TNN: variants seen among roughly 807,000 people sequenced by gnomAD.
TNN encodes tenascin N.
In TNN, 122 loss-of-function variants were observed where a neutral mutation model predicts 134.4. That is an observed-to-expected ratio of 0.91 (90% CI 0.78 to 1.06). The LOEUF is 1.06. TNN is among the 50% of genes least tolerant of loss of function. The probability of loss-of-function intolerance (pLI) is 0.00; values close to 1 mark genes in which losing one functional copy is unlikely to be tolerated. For missense variants in TNN, 1,739 were observed against 1,699.4 expected (o/e 1.02, Z -0.41); for synonymous variants, 710 against 670.3 (o/e 1.06, Z -0.91).
At chr1:175,132,405 G>C (rs1027342008) in intron 15 of TNN, among the ~76,000 whole-genome samples, 1 of 152,166 alleles carries the variant, frequency 6.6e-6, no homozygotes, top group Non-Finnish European at 1.5e-5. Flanking sequence ...CAGCACTCAC[G>C]AAATGATTGT....
At chr1:175,108,840 C>T (rs1389775528) in intron 9 of TNN, among the ~76,000 whole-genome samples, 1 of 147,772 alleles carries the variant, frequency 6.8e-6, no homozygotes, top group Non-Finnish European at 1.5e-5. Flanking sequence ...CACGCCTCTC[C>T]CTCCACACCT....
rs752247518 is a variant in TNN, at chr1:175,079,694, G to C, written c.771G>C (p.Leu257=). 16 of 1,598,374 alleles carry C rather than the reference G, an allele frequency of 1.0e-5. No homozygotes were observed. The Admixed American group carries it at 2.7e-4, about 27-fold the overall frequency. Residue 257 remains leucine, a synonymous_variant, in exon 3 of 19, where the codon CTG becomes CTC. Coordinates refer to ENST00000239462, the MANE Select transcript of TNN (RefSeq NM_022093.2). ...ACTGCGAGGAGGGCTTCACAGGCCT[G>C]GACTGTGCCCAGGGTGAGAGCGGAG... ...ECYCEEGFTG[L]DCAQVVTPQG...
At position 175,136,893 on chromosome 1, in the gene TNN, C is replaced by T; in HGVS notation, c.3500C>T (p.Ala1167Val). Residue 1167 changes from alanine (A) to valine (V), a missense_variant, in exon 17 of 19, where the codon GCC (alanine) becomes GTC (valine). By Grantham distance (64) the Ala-to-Val change is moderately conservative. Transcript: ENST00000239462. ...GAGGTGAGAGTGGATTTACAGACTG[C>T]CAATGAATCTGCCTATGCTATATAT... ...RYEVRVDLQT[A>V]NESAYAIYDF... The T allele has an allele frequency of 6.2e-7, 1 of 1,614,186 alleles. No homozygotes were observed. Among genetic ancestry groups the T allele is most frequent in the Non-Finnish European group, 8.5e-7 (1 of 1,180,014 alleles).
At chr1:175,119,806 G>GT (rs1675301185) in intron 11 of TNN, among the ~76,000 whole-genome samples, 1 of 151,618 alleles carries the variant, frequency 6.6e-6, no homozygotes. Flanking sequence ...GGCTAATTTT[G>GT]TTTTTGTATT....
intron 9 of TNN, among the ~76,000 whole-genome samples, chr1:175,107,758 G>A (rs1208822907): frequency 4.1e-4 from 55 of 135,372 alleles, no homozygotes; most frequent in African/African-American, 1.3e-3. Flanking sequence ...TGATTGGTGC[G>A]TTTACAATCC....
At position 175,147,039 on chromosome 1, in the gene TNN, C is replaced by A. The variant is rs750133414; in HGVS notation, c.3868C>A (p.Arg1290=). 1 of 1,591,760 alleles carries A rather than the reference C, an allele frequency of 6.3e-7. No homozygotes were observed. Residue 1290 remains arginine, a synonymous_variant, in exon 19 of 19, where the codon CGG becomes AGG. Coordinates refer to ENST00000239462, the MANE Select transcript of TNN (RefSeq NM_022093.2). ...GGAGCCTGTCCTGGGCAGAAAGAAG[C>A]GGACGCTGAGAGGAAGGCTGCGAAC... is the stretch of plus-strand genomic sequence containing the variant. The part of the protein sequence containing the change: ...SREPVLGRKK[R]TLRGRLRTF
In TNN at chr1:175,118,725, G is replaced by A; in HGVS notation, c.2551G>A (p.Val851Ile). The A allele has an allele frequency of 6.2e-7, 1 of 1,614,254 alleles. No homozygotes were observed. Among genetic ancestry groups the A allele is most frequent in the Non-Finnish European group, 8.5e-7 (1 of 1,180,054 alleles). ...VPVGKEQSST[V>I]LTGLRPGMEY... ...AGTGGGGAAGGAGCAGAGCAGCACT[G>A]TCCTGACGGGCCTGAGGCCGGGCAT... The change falls in exon 11 of 19, where the codon GTC becomes ATC. Residue 851 changes from valine (V) to isoleucine (I), a missense_variant. Val to Ile is a conservative substitution (Grantham distance 29). Transcript: ENST00000239462.
intron 1 of TNN, among the ~76,000 whole-genome samples, chr1:175,068,196 G>A (rs193175358): frequency 3.9e-5 from 6 of 152,134 alleles, no homozygotes; most frequent in African/African-American, 9.7e-5. Context: ...ACACAGATGC[G>A]TCTGTGTTGT....
At chr1:175,083,978 A>C (rs1281904941) in intron 5 of TNN, 43 bp downstream of exon 5, 2 of 1,594,580 alleles carry the variant, frequency 1.3e-6, no homozygotes, top group Admixed American at 3.3e-5. Context: ...CTGTGGATGC[A>C]GAGGTGGGGA....
Position 175,117,225 on chromosome 1 carries a change from G to T in TNN, c.2386+20G>T. On this transcript the variant is annotated intron_variant, in intron 10 of 18. Transcript: ENST00000239462. ...AGACAGGTAAGGAGCATTGTTCTTT[G>T]GGAATATAAGAGCTTTCATGCTAAG... 6.2e-7 allele frequency: 1 copy of T among 1,609,066 alleles called. No homozygotes were observed.
chr1:175,109,874 A>G (rs931723321), intron 9 of TNN, among the ~76,000 whole-genome samples: 1 of 152,074 alleles, frequency 6.6e-6, no homozygotes, highest in Non-Finnish European at 1.5e-5. Context: ...TATACTCAGC[A>G]GTGAGGTTGC....
chr1:175,108,479 T>C lies in TNN; in HGVS notation c.2120-8460T>C, dbSNP rs190112353. ...CTCGTACTCGTCAGCCCTTGGGTGG[T>C]CGATGGGACTGGGCGCCGTGGAGCA... On this transcript the variant is annotated intron_variant, in intron 9 of 18. Transcript: ENST00000239462. Among the ~76,000 whole-genome samples, 410 of 152,286 alleles carry C rather than the reference T, an allele frequency of 2.7e-3. 1 individual carries two copies. Among genetic ancestry groups the C allele is most frequent in the African/African-American group, 9.6e-3 (397 of 41,570 alleles).
chr1:175,128,215 G>A lies in TNN; in HGVS notation c.3178+51G>A, dbSNP rs368775869. 9.3e-6 allele frequency: 14 copies of A among 1,503,920 alleles called. No homozygotes were observed. The East Asian group carries it at 1.1e-4, about 12-fold the overall frequency. 93.2% of individuals were successfully genotyped at this position (1,503,920 alleles called of 1,614,324 possible). A position where few individuals can be genotyped will look rare whatever the true frequency, so the allele number is the denominator to read the frequency against. On this transcript the variant is annotated intron_variant, in intron 14 of 18. Coordinates refer to ENST00000239462, the MANE Select transcript of TNN (RefSeq NM_022093.2). ...CGACCGTGCAATGAGAACCAGCACC[G>A]GAAAGCCTAGCAAAGGAGTCCAGGG...
intron 1 of TNN, 45 bp downstream of exon 1, chr1:175,067,980 G>A (rs571269382): frequency 1.7e-5 from 8 of 458,664 alleles, no homozygotes; most frequent in South Asian, 1.2e-4. Flanking sequence ...GAGGGAGGGA[G>A]GTGGCCAATG....
At chr1:175,129,495 C>T (rs942853357) in intron 15 of TNN, among the ~76,000 whole-genome samples, 2 of 151,290 alleles carry the variant, frequency 1.3e-5, no homozygotes, top group African/African-American at 4.9e-5. Flanking sequence ...CTTGGTTAGA[C>T]TAAGGCTGAT....
At chr1:175,126,280 T>C (rs1292272135) in intron 12 of TNN, among the ~76,000 whole-genome samples, 7 of 151,836 alleles carry the variant, frequency 4.6e-5, no homozygotes, top group Non-Finnish European at 7.4e-5. Flanking sequence ...TTTTGTATGT[T>C]TGGTAGAGAT....
chr1:175,077,685 C>T lies in TNN; in HGVS notation c.267C>T (p.Asn89=), dbSNP rs1248382624. 2 of 1,614,136 alleles carry T rather than the reference C, an allele frequency of 1.2e-6. No homozygotes were observed. The highest frequency in any genetic ancestry group is 1.3e-5 in the African/African-American group (1 of 74,946). The change falls in exon 2 of 19, where the codon AAC becomes AAT. Residue 89 remains asparagine, a synonymous_variant. Transcript: ENST00000239462. ...REEQNIIFRH[N]IRLQTPQKDC... is the part of the protein sequence containing the mutation. ...AACAGAACATCATCTTCAGGCACAA[C>T]ATCCGCCTTCAGACGCCACAGAAGG...
intron 4 of TNN, among the ~76,000 whole-genome samples, chr1:175,081,850 G>C (rs1437246160): frequency 6.6e-6 from 1 of 152,202 alleles, no homozygotes; most frequent in Non-Finnish European, 1.5e-5. Context: ...ATTGGGTGCT[G>C]TCAAGAAGTG....
At chr1:175,108,803 G>A (rs1461891081) in intron 9 of TNN, among the ~76,000 whole-genome samples, 2 of 147,314 alleles carry the variant, frequency 1.4e-5, no homozygotes, top group African/African-American at 5.1e-5. Context: ...TGGCCCGCAA[G>A]CACCATGTGC....
Sources: gnomAD v4.1 joint callset for allele counts (sites outside exome capture counted in the v4.1 genomes callset) on GRCh38, gnomAD v4.1.1 for gene constraint, MANE v1.5 for transcripts, NCBI Gene and HGNC (gene_info 2026-07-23, HGNC 2026-07-21) for gene names.